MACROD2: variants seen among roughly 807,000 people sequenced by gnomAD.
The protein encoded by MACROD2 is ADP-ribose glycohydrolase MACROD2.
MACROD2 carries 36 observed loss-of-function variants against 70.4 expected under a neutral mutation model. The ratio of observed to expected loss-of-function variants is 0.51; its 90% CI spans 0.39 to 0.68. The LOEUF is 0.68. Ranked by LOEUF, MACROD2 falls within the 30% of genes least tolerant of loss-of-function variation. The pLI is 0.00. For missense variants in MACROD2, 496 were observed against 538.4 expected (o/e 0.92, Z 0.78); for synonymous variants, 172 against 178.8 (o/e 0.96, Z 0.30).
chr20:15,236,467 G>A (rs1351284736), intron 6 of MACROD2, among the ~76,000 whole-genome samples: 2 of 152,198 alleles, frequency 1.3e-5, no homozygotes, highest in African/African-American at 2.4e-5. Flanking sequence ...CAATCATTGA[G>A]CCATGAAATA....
chr20:15,594,450 T>C (rs1419093055), intron 8 of MACROD2, among the ~76,000 whole-genome samples: 1 of 152,186 alleles, frequency 6.6e-6, no homozygotes, highest in Admixed American at 6.5e-5. Flanking sequence ...AAGAATCTCT[T>C]TGATGTACAC....
intron 8 of MACROD2, among the ~76,000 whole-genome samples, chr20:15,824,071 G>A (rs1030563566): frequency 6.6e-6 from 1 of 152,166 alleles, no homozygotes; most frequent in African/African-American, 2.4e-5. Context: ...AGCAATTGGT[G>A]GCTATGGTGG....
chr20:15,801,737 A>G (rs1383421912), intron 8 of MACROD2, among the ~76,000 whole-genome samples: 2 of 152,096 alleles, frequency 1.3e-5, no homozygotes, highest in African/African-American at 4.8e-5. Context: ...TCTGTGAAAA[A>G]TATCATTGGC....
At chr20:15,745,827 C>T (rs1288249060) in intron 8 of MACROD2, among the ~76,000 whole-genome samples, 1 of 152,078 alleles carries the variant, frequency 6.6e-6, no homozygotes, top group African/African-American at 2.4e-5. Flanking sequence ...TCCCCATCAG[C>T]TTCTGTGCTC....
intron 8 of MACROD2, among the ~76,000 whole-genome samples, chr20:15,854,463 T>A (rs907959146): frequency 6.6e-6 from 1 of 152,090 alleles, no homozygotes; most frequent in Non-Finnish European, 1.5e-5. Context: ...TGGAAGAGGA[T>A]TCCAAGCCTG....
intron 8 of MACROD2, among the ~76,000 whole-genome samples, chr20:15,749,996 G>A (rs2051243737): frequency 6.6e-6 from 1 of 151,934 alleles, no homozygotes; most frequent in African/African-American, 2.4e-5. Flanking sequence ...AACAAAAGTA[G>A]ACAAATAAGA....
chr20:13,998,326 T>TGA (rs1782790602), intron 1 of MACROD2, among the ~76,000 whole-genome samples: 1 of 152,096 alleles, frequency 6.6e-6, no homozygotes, highest in Non-Finnish European at 1.5e-5. Flanking sequence ...TATTGCAACT[T>TGA]ATTTCATTGT....
intron 3 of MACROD2, among the ~76,000 whole-genome samples, chr20:14,101,058 T>C (rs942239615): frequency 6.6e-5 from 10 of 151,454 alleles, no homozygotes; most frequent in Admixed American, 2.0e-4. Context: ...ATTATTTTGG[T>C]GATATAATCA....
intron 5 of MACROD2, among the ~76,000 whole-genome samples, chr20:14,999,934 T>G (rs758547093): frequency 3.0e-4 from 46 of 152,168 alleles, no homozygotes; most frequent in Non-Finnish European, 5.3e-4. Context: ...GCATTCAGTA[T>G]GATACAATTT....
chr20:14,654,430 C>A, intron 4 of MACROD2, among the ~76,000 whole-genome samples: 1 of 151,348 alleles, frequency 6.6e-6, no homozygotes, highest in Non-Finnish European at 1.5e-5. Context: ...CCTGTAATCC[C>A]AGCTACTTGG....
chr20:15,311,576 G>GTA (rs1420123526), intron 6 of MACROD2, among the ~76,000 whole-genome samples: 1 of 152,172 alleles, frequency 6.6e-6, no homozygotes, highest in Non-Finnish European at 1.5e-5. Context: ...AACGTGGTAC[G>GTA]TATATACCAT....
intron 5 of MACROD2, among the ~76,000 whole-genome samples, chr20:14,705,243 C>T (rs1025749593): frequency 1.3e-5 from 2 of 152,066 alleles, no homozygotes; most frequent in East Asian, 1.9e-4. Flanking sequence ...TACATCTCTC[C>T]GTTCGTCTCA....
rs528139010 is a variant in MACROD2, at chr20:14,735,754, G to A, written c.418+50795G>A. Among the ~76,000 whole-genome samples the A allele has an allele frequency of 5.3e-5, 8 of 152,174 alleles. No homozygotes were observed. The East Asian group carries it at 1.5e-3, about 29-fold the overall frequency. ...AGTCTCAGCTACTTGGGAGGCTGAG[G>A]TGGAAGGATCACCTGATCCCAGGAG... On this transcript the variant is annotated intron_variant, in intron 5 of 17. Transcript: ENST00000684519.
chr20:15,081,042 CT>C (rs1441743229), intron 5 of MACROD2, among the ~76,000 whole-genome samples: 14 of 152,160 alleles, frequency 9.2e-5, no homozygotes, highest in African/African-American at 3.4e-4. Flanking sequence ...AGGCCAGGAG[CT>C]TTTTGTCTTA....
chr20:16,013,177 TAA>T (rs11475960), intron 15 of MACROD2, among the ~76,000 whole-genome samples: 7 of 151,192 alleles, frequency 4.6e-5, no homozygotes, highest in African/African-American at 1.5e-4. Context: ...AGACTCTGTC[TAA>T]AAAAAAAAGA....
At chr20:14,014,986 T>C (rs1371728828) in intron 2 of MACROD2, among the ~76,000 whole-genome samples, 1 of 90,682 alleles carries the variant, frequency 1.1e-5, no homozygotes, top group African/African-American at 4.2e-5. Context: ...TTTTTTTTTT[T>C]GTAGAGGTGG....
At chr20:15,776,204 G>A (rs1390101792) in intron 8 of MACROD2, among the ~76,000 whole-genome samples, 6 of 152,124 alleles carry the variant, frequency 3.9e-5, no homozygotes, top group Non-Finnish European at 7.4e-5. Context: ...GCAGTAACAT[G>A]AACTCACCTG....
intron 2 of MACROD2, among the ~76,000 whole-genome samples, chr20:14,040,292 T>C (rs2053374291): frequency 6.6e-6 from 1 of 152,190 alleles, no homozygotes; most frequent in East Asian, 1.9e-4. Flanking sequence ...GTTACTGTAC[T>C]GAATACTGTA....
intron 5 of MACROD2, among the ~76,000 whole-genome samples, chr20:14,967,688 TTA>T (rs2074651647): frequency 6.6e-6 from 1 of 152,218 alleles, no homozygotes; most frequent in South Asian, 2.1e-4. Flanking sequence ...ATTCCATTTC[TTA>T]TTTTCTTATT....
Sources: allele counts gnomAD v4.1 joint callset (sites outside exome capture counted in the v4.1 genomes callset), GRCh38; gene constraint gnomAD v4.1.1; transcripts MANE v1.5; gene names NCBI Gene and HGNC (gene_info 2026-07-23, HGNC 2026-07-21).